Variants in DIP2C observed in about 807,000 individuals in gnomAD.
DIP2C encodes the protein disco-interacting protein 2 homolog C.
In DIP2C, 33 loss-of-function variants were observed where a neutral mutation model predicts 192.4. The observed-to-expected ratio is 0.17, with a 90% CI of 0.13 to 0.23. The LOEUF (loss-of-function observed/expected upper bound fraction) is 0.23. DIP2C is among the 10% of genes least tolerant of loss of function. DIP2C has a pLI of 1.00. For synonymous variants in DIP2C, 979 were observed against 864.1 expected, an observed-to-expected ratio of 1.13 and a Z score of -2.33; for missense variants, 1,537 against 2,110.1, an observed-to-expected ratio of 0.73 and a Z score of 5.32.
At chr10:598,597 T>TC (rs1217395800) in intron 1 of DIP2C, among the ~76,000 whole-genome samples, 2 of 102,044 alleles carry the variant, frequency 2.0e-5, no homozygotes, top group Non-Finnish European at 4.1e-5. Flanking sequence ...CCCCACCCCC[T>TC]CCTAGCTTCA....
At chr10:418,172 T>C (rs1250357752) in intron 6 of DIP2C, among the ~76,000 whole-genome samples, 1 of 59,292 alleles carries the variant, frequency 1.7e-5, no homozygotes, top group Non-Finnish European at 3.0e-5. Context: ...CAGGCCTCCC[T>C]GTCCACCTGC....
Position 474,591 on chromosome 10 carries a change from A to G in DIP2C, c.158-2042T>C, listed in dbSNP as rs536866504. 1.9e-3 allele frequency among the ~76,000 whole-genome samples: 295 copies of G among 151,992 alleles called. 1 individual carries two copies. Among genetic ancestry groups the G allele is most frequent in the Middle Eastern group, 0.01 (3 of 294 alleles). On this transcript the variant is annotated intron_variant, in intron 2 of 36. Transcript: ENST00000280886. ...GCTGCTGTGTTGGTCACTTGTTCTC[A>G]TGCTCTTCAATGCCCCCTCGTCTCT...
chr10:334,331 AATTT>A (rs914096485), intron 29 of DIP2C, among the ~76,000 whole-genome samples: 1 of 151,320 alleles, frequency 6.6e-6, no homozygotes, highest in Admixed American at 6.6e-5. Context: ...AAAAAGAAAA[AATTT>A]ATTACATAGG....
At chr10:364,644 G>C in intron 19 of DIP2C, 62 bp from the exon 20 acceptor site, 2 of 1,549,734 alleles carry the variant, frequency 1.3e-6, no homozygotes, top group Non-Finnish European at 1.8e-6. Context: ...AATCCTCGCC[G>C]CTACTCCTGG....
chr10:556,528 ACT>A (rs1283055763), intron 1 of DIP2C, among the ~76,000 whole-genome samples: 2 of 150,308 alleles, frequency 1.3e-5, no homozygotes, highest in African/African-American at 4.9e-5. Flanking sequence ...TCCTCAGCAA[ACT>A]CAACAGCCTT....
intron 1 of DIP2C, among the ~76,000 whole-genome samples, chr10:494,259 T>C (rs1588293123): frequency 6.6e-6 from 1 of 151,858 alleles, no homozygotes; most frequent in Non-Finnish European, 1.5e-5. Flanking sequence ...CAAAAGCGCA[T>C]GCAGTCCAGA....
chr10:344,087 T>C (rs1176970671), intron 28 of DIP2C, among the ~76,000 whole-genome samples: 2 of 152,176 alleles, frequency 1.3e-5, no homozygotes, highest in Non-Finnish European at 2.9e-5. Context: ...ACGCTGAGAC[T>C]ATAAGCGGGC....
intron 1 of DIP2C, among the ~76,000 whole-genome samples, chr10:549,719 T>C (rs1848490785): frequency 1.3e-5 from 2 of 152,314 alleles, no homozygotes; most frequent in South Asian, 2.1e-4. Context: ...TCGTCACTTT[T>C]CACTCCCTAC....
chr10:307,824 G>A (rs1056376709), intron 32 of DIP2C, among the ~76,000 whole-genome samples: 3 of 151,426 alleles, frequency 2.0e-5, no homozygotes, highest in African/African-American at 7.3e-5. Context: ...GGGTGCCTGG[G>A]CGGGGCCCGG....
chr10:549,999 C>T (rs1053305484), intron 1 of DIP2C, among the ~76,000 whole-genome samples: 3 of 145,312 alleles, frequency 2.1e-5, no homozygotes, highest in Non-Finnish European at 3.0e-5. Context: ...CAACAAGGGA[C>T]GTGTAGCTTT....
At chr10:502,398 C>T (rs1845297819) in intron 1 of DIP2C, among the ~76,000 whole-genome samples, 1 of 152,102 alleles carries the variant, frequency 6.6e-6, no homozygotes, top group South Asian at 2.1e-4. Context: ...CTATGAAATG[C>T]AGCCAAAATA....
rs899287533 is a variant in DIP2C at position 334,320 on chromosome 10, A to G, written c.3585-4719T>C. Among the ~76,000 whole-genome samples the G allele has an allele frequency of 8.1e-4, 123 of 151,430 alleles. 2 individuals are homozygous for G. Among genetic ancestry groups the G allele is most frequent in the African/African-American group, 2.8e-3 (114 of 41,400 alleles). On this transcript the variant is annotated intron_variant, in intron 29 of 36. Coordinates refer to ENST00000280886, the MANE Select transcript of DIP2C (RefSeq NM_014974.3). ...AGACTGTCTCAAAAAAAAAAAAAAA[A>G]AAAAAGAAAAAATTTATTACATAGG...
chr10:525,073 A>C (rs2130834052), intron 1 of DIP2C, among the ~76,000 whole-genome samples: 1 of 152,110 alleles, frequency 6.6e-6, no homozygotes, highest in African/African-American at 2.4e-5. Flanking sequence ...ATGTATTTGT[A>C]GTTTGGATGG....
chr10:366,212 G>A (rs889306690), intron 19 of DIP2C, 63 bp downstream of exon 19: 58 of 1,590,098 alleles, frequency 3.6e-5, no homozygotes, highest in Non-Finnish European at 4.5e-5. Context: ...CTATGCACCT[G>A]GCAAGGGCTC....
intron 13 of DIP2C, among the ~76,000 whole-genome samples, chr10:388,536 C>T (rs1270011278): frequency 6.6e-6 from 1 of 152,172 alleles, no homozygotes; most frequent in African/African-American, 2.4e-5. Flanking sequence ...AGTAAACAAC[C>T]TAAGTTCCTT....
chr10:650,106 G>T (rs751284780), intron 1 of DIP2C: 1 of 717,004 alleles, frequency 1.4e-6, no homozygotes, highest in Non-Finnish European at 2.6e-6. Flanking sequence ...CACCTCCTGC[G>T]GCCCATGGAG....
intron 1 of DIP2C, among the ~76,000 whole-genome samples, chr10:604,048 C>A (rs978119270): frequency 1.3e-5 from 2 of 148,782 alleles, no homozygotes; most frequent in Non-Finnish European, 3.0e-5. Flanking sequence ...CAGCCCCACA[C>A]CCCCTCTGGC....
intron 4 of DIP2C, 46 bp downstream of exon 4, chr10:440,825 G>A: frequency 6.3e-7 from 1 of 1,581,758 alleles, no homozygotes; most frequent in Non-Finnish European, 8.6e-7. Flanking sequence ...CAATTCTGAG[G>A]TGCCCGGCAC....
chr10:494,397 C>T (rs1254396556), intron 1 of DIP2C, among the ~76,000 whole-genome samples: 2 of 152,216 alleles, frequency 1.3e-5, no homozygotes, highest in Non-Finnish European at 2.9e-5. Context: ...TTCCACAACA[C>T]ATCAAGCATT....
Sources: gnomAD v4.1 joint callset for allele counts (sites outside exome capture counted in the v4.1 genomes callset) on GRCh38, gnomAD v4.1.1 for gene constraint, MANE v1.5 for transcripts, NCBI Gene and HGNC (gene_info 2026-07-23, HGNC 2026-07-21) for gene names.